Variants in ACCS observed in about 807,000 individuals in gnomAD.
ACCS encodes the protein 1-aminocyclopropane-1-carboxylate synthase-like protein 1.
ACCS carries 42 observed loss-of-function variants against 59.8 expected under a neutral mutation model. That is an observed-to-expected ratio of 0.70 (90% CI 0.55 to 0.91). The LOEUF is 0.91. ACCS is among the 40% of genes least tolerant of loss of function. ACCS has a pLI of 0.00. For synonymous variants in ACCS, 230 were observed against 240.3 expected, an observed-to-expected ratio of 0.96 and a Z score of 0.40; for missense variants, 602 against 630.4, an observed-to-expected ratio of 0.95 and a Z score of 0.48.
chr11:44,075,386 C>A, intron 5 of ACCS, 140 bp from the exon 6 acceptor site: 1 of 802,398 alleles, frequency 1.2e-6, no homozygotes, highest in Non-Finnish European at 2.1e-6. Context: ...GGCTGTCAGT[C>A]TAGTGGCTTT....
chr11:44,083,335 T>C (rs3107274), intron 13 of ACCS, 24 bp downstream of exon 13: 1 of 1,612,770 alleles, frequency 6.2e-7, no homozygotes, highest in African/African-American at 1.3e-5. Flanking sequence ...AGGTGCGGGC[T>C]GAGAGGGAGT....
At position 44,078,864 on chromosome 11, in the gene ACCS, C is replaced by T. The variant is rs1953502548; in HGVS notation, c.833+80C>T. 2.5e-6 allele frequency: 3 copies of T among 1,196,500 alleles called. No homozygotes were observed. In the South Asian group the frequency reaches 3.9e-5, roughly 16 times the overall value. 74.1% of individuals were successfully genotyped at this position (1,196,500 alleles called of 1,614,324 possible). A position where few individuals can be genotyped will look rare whatever the true frequency, so the allele number is the denominator to read the frequency against. ...TGCGGGTTTGGTGCAGGTTTTTCTA[C>T]TCTCTTGACCCCACTGTGGGCTGCT... On this transcript the variant is annotated intron_variant, in intron 9 of 14. Transcript: ENST00000263776.
At position 44,083,261 on chromosome 11, in the gene ACCS, C is replaced by T; in HGVS notation, c.1204C>T (p.Pro402Ser). ...AGAAGAGCTTAGGGCATTGGGGATC[C>T]CCTTCTTGAGTCGTGGGGCTGGCTT... The part of the protein sequence containing the change: ...VSEELRALGI[P>S]FLSRGAGFFI... Residue 402 changes from proline to serine, a missense_variant, in exon 13 of 15, where the codon CCC becomes TCC. By Grantham distance (74) the Pro-to-Ser change is moderately conservative. Transcript: ENST00000263776. 1.2e-6 allele frequency: 2 copies of T among 1,614,172 alleles called. No individual in the cohort carries two copies. The highest frequency in any genetic ancestry group is 1.7e-6 in the Non-Finnish European group (2 of 1,180,036).
At chr11:44,080,221 C>T (rs989360407) in intron 10 of ACCS, among the ~76,000 whole-genome samples, 4 of 152,246 alleles carry the variant, frequency 2.6e-5, no homozygotes, top group Non-Finnish European at 5.9e-5. Flanking sequence ...TCTGTTTCTA[C>T]GGGAAAGAAA....
chr11:44,070,587 G>C (rs1195295337), intron 2 of ACCS, among the ~76,000 whole-genome samples: 1 of 152,162 alleles, frequency 6.6e-6, no homozygotes, highest in Admixed American at 6.5e-5. Context: ...TGTGCGTGAG[G>C]CCTGCACCGA....
intron 5 of ACCS, among the ~76,000 whole-genome samples, chr11:44,075,070 C>T (rs567110888): frequency 8.5e-5 from 13 of 152,064 alleles, no homozygotes; most frequent in East Asian, 7.8e-4. Flanking sequence ...GTGATCTGCC[C>T]GCCTTGACCT....
intron 2 of ACCS, among the ~76,000 whole-genome samples, chr11:44,068,822 T>C (rs1952910833): frequency 6.6e-6 from 1 of 152,212 alleles, no homozygotes; most frequent in Admixed American, 6.5e-5. Context: ...TTAATAATCT[T>C]TATTTGTTGA....
At position 44,083,279 on chromosome 11, in the gene ACCS, G is replaced by C. The variant is rs1333641919; in HGVS notation, c.1222G>C (p.Ala408Pro). ...ALGIPFLSRGAGFFIWVDLRK... is the reference protein window; with the variant it reads ...ALGIPFLSRGPGFFIWVDLRK... ...GGGGATCCCCTTCTTGAGTCGTGGGGCTGGCTTCTTCATCTGGGTTGACTT... is the reference window on the plus strand; with the variant it reads ...GGGGATCCCCTTCTTGAGTCGTGGGCCTGGCTTCTTCATCTGGGTTGACTT... Residue 408 changes from alanine to proline, a missense_variant, in exon 13 of 15, where the codon GCT becomes CCT. Transcript: ENST00000263776. 1 of 1,614,064 alleles carries C rather than the reference G, an allele frequency of 6.2e-7. No individual in the cohort carries two copies. The highest frequency in any genetic ancestry group is 8.5e-7 in the Non-Finnish European group (1 of 1,180,044).
Position 44,079,591 on chromosome 11 carries a change from TG to T in ACCS, c.897del (p.Tyr300ThrfsTer5). 6.2e-7 allele frequency: 1 copy of T among 1,611,910 alleles called. No individual in the cohort carries two copies. Among genetic ancestry groups the T allele is most frequent in the African/African-American group, 1.3e-5 (1 of 75,002 alleles). On this transcript the variant is annotated frameshift_variant, in exon 10 of 15. Transcript: ENST00000263776. LOFTEE classifies it high-confidence loss of function. ...YMLSVFEKSV[G>X]YRSVLSLERL... ...TGCTGTCCGTGTTTGAGAAGTCTGTTGGGTACCGCAGTGTCCTAAGCCTGGA... is the reference window on the plus strand; with the variant it reads ...TGCTGTCCGTGTTTGAGAAGTCTGTTGGTACCGCAGTGTCCTAAGCCTGGA...
intron 2 of ACCS, among the ~76,000 whole-genome samples, chr11:44,069,967 C>A (rs1952973854): frequency 6.6e-6 from 1 of 152,192 alleles, no homozygotes. Context: ...TAGGGAAGAG[C>A]ATTCCCAGCA....
chr11:44,068,770 C>T (rs1333922370), intron 2 of ACCS, among the ~76,000 whole-genome samples: 1 of 152,202 alleles, frequency 6.6e-6, no homozygotes, highest in Non-Finnish European at 1.5e-5. Flanking sequence ...AAGCTATTCT[C>T]ATAATGCCTT....
In ACCS at chr11:44,067,651, C is replaced by T. The variant is rs1437472373; in HGVS notation, c.24C>T (p.Asp8=). The T allele has an allele frequency of 1.2e-6, 2 of 1,612,194 alleles. No homozygotes were observed. Among genetic ancestry groups the T allele is most frequent in the Admixed American group, 3.3e-5 (2 of 59,782 alleles). Residue 8 remains aspartate (D), a synonymous_variant, in exon 2 of 15, where the codon GAC becomes GAT. Transcript: ENST00000263776. ...AGATGTTCACCCTTCCTCAAAAGGA[C>T]TTCAGGGCTCCCACCACCTGTCTGG... The part of the protein sequence containing the change: MFTLPQK[D]FRAPTTCLGP...
At chr11:44,081,437 G>A in intron 12 of ACCS, 117 bp downstream of exon 12, 1 of 1,456,042 alleles carries the variant, frequency 6.9e-7, no homozygotes, top group South Asian at 1.4e-5. Flanking sequence ...GTTTGAGAGT[G>A]CCAGCTCTGA....
At chr11:44,069,529 C>T (rs1166154746) in intron 2 of ACCS, among the ~76,000 whole-genome samples, 3 of 152,306 alleles carry the variant, frequency 2.0e-5, no homozygotes, top group Non-Finnish European at 4.4e-5. Context: ...GCCACCGTGC[C>T]AGTCCACGCC....
Position 44,083,494 on chromosome 11 carries a change from T to C in ACCS, c.1325T>C (p.Leu442Pro). ...CGCTTTTTGGACAACAAGGTGCTGCTGTCCTTTGGCAAGGCCTTCGAGTGT... is the reference window on the plus strand; with the variant it reads ...CGCTTTTTGGACAACAAGGTGCTGCCGTCCTTTGGCAAGGCCTTCGAGTGT... The part of the protein sequence containing the change: ...WRRFLDNKVL[L>P]SFGKAFECKE... The change falls in exon 14 of 15, where the codon CTG (leucine) becomes CCG (proline). Residue 442 changes from leucine (L) to proline (P), a missense_variant. Physicochemically the swap from Leu to Pro is moderately conservative, Grantham distance 98 (BLOSUM62 -3). Coordinates refer to ENST00000263776, the MANE Select transcript of ACCS (RefSeq NM_032592.4). 6.2e-7 allele frequency: 1 copy of C among 1,614,250 alleles called. No individual in the cohort carries two copies. The highest frequency in any genetic ancestry group is 1.1e-5 in the South Asian group (1 of 91,086).
chr11:44,070,716 G>A (rs1953009680), intron 2 of ACCS, among the ~76,000 whole-genome samples: 2 of 152,096 alleles, frequency 1.3e-5, no homozygotes, highest in African/African-American at 4.8e-5. Context: ...GTCTCCTGGG[G>A]GAGTATTTGC....
chr11:44,080,531 A>G (rs178529), intron 10 of ACCS: 43,481 of 162,204 alleles, frequency 0.27, 6,866 homozygotes, highest in Admixed American at 0.46. Context: ...TGCTGGAGAT[A>G]CAACAGTGAA....
At chr11:44,071,193 C>T in intron 2 of ACCS, 63 bp from the exon 3 acceptor site, 2 of 1,580,330 alleles carry the variant, frequency 1.3e-6, no homozygotes, top group Non-Finnish European at 1.7e-6. Flanking sequence ...CCATGGGCTC[C>T]TGGGGCCTTT....
Position 44,079,515 on chromosome 11 carries a change from C to T in ACCS, c.834-16C>T, listed in dbSNP as rs376049378. Reference sequence around the variant, plus strand: ...TACACACTAAGTCTCTCCTCCCCACCCCTGCCTCACTCCAGGCACAGGCTG... The same window carrying T: ...TACACACTAAGTCTCTCCTCCCCACTCCTGCCTCACTCCAGGCACAGGCTG... On this transcript the variant is annotated splice_polypyrimidine_tract_variant and intron_variant, in intron 9 of 14. Coordinates refer to ENST00000263776, the MANE Select transcript of ACCS (RefSeq NM_032592.4). 1.2e-6 allele frequency: 2 copies of T among 1,602,510 alleles called. No individual in the cohort carries two copies. The highest frequency in any genetic ancestry group is 1.3e-5 in the African/African-American group (1 of 74,820).
Sources: allele counts gnomAD v4.1 joint callset (sites outside exome capture counted in the v4.1 genomes callset), GRCh38; gene constraint gnomAD v4.1.1; transcripts MANE v1.5; gene names NCBI Gene and HGNC (gene_info 2026-07-23, HGNC 2026-07-21).